The following DAB1 variants were observed in gnomAD, a reference collection of about 807,000 sequenced individuals.
DAB1 encodes DAB adaptor protein 1.
In DAB1, 15 loss-of-function variants were observed where a neutral mutation model predicts 64.6. That is an observed-to-expected ratio of 0.23 (90% CI 0.16 to 0.36). DAB1 has a LOEUF of 0.36. DAB1 is among the 10% of genes least tolerant of loss of function. The pLI, the probability that DAB1 is intolerant of heterozygous loss-of-function variation, is 1.00. For synonymous variants in DAB1, 235 were observed against 251.9 expected (o/e 0.93, Z 0.64); for missense variants, 596 against 706.7 (o/e 0.84, Z 1.78).
At chr1:57,546,098 T>TGC (rs1245256323) in intron 7 of DAB1, among the ~76,000 whole-genome samples, 8,645 of 139,426 alleles carry the variant, frequency 0.062, 324 homozygotes, top group Non-Finnish European at 0.084. Context: ...TGTGTGTGTG[T>TGC]GCGCGCACGT....
At chr1:58,051,605 T>A (rs1453719617) in intron 5 of DAB1, among the ~76,000 whole-genome samples, 1 of 152,180 alleles carries the variant, frequency 6.6e-6, no homozygotes, top group Non-Finnish European at 1.5e-5. Flanking sequence ...TAGCTCTAGA[T>A]CCTTGAGGAA....
At chr1:58,233,956 G>A (rs988216715) in intron 4 of DAB1, among the ~76,000 whole-genome samples, 25 of 152,122 alleles carry the variant, frequency 1.6e-4, no homozygotes, top group African/African-American at 4.6e-4. Context: ...AACCAGTCTC[G>A]ACTCTCACCA....
At chr1:58,291,003 T>C (rs1661816672) in intron 4 of DAB1, among the ~76,000 whole-genome samples, 1 of 152,138 alleles carries the variant, frequency 6.6e-6, no homozygotes, top group Admixed American at 6.5e-5. Context: ...GGGAATATCA[T>C]GAGAGGAGAG....
At chr1:58,173,925 A>G (rs930991575) in intron 4 of DAB1, among the ~76,000 whole-genome samples, 1 of 152,172 alleles carries the variant, frequency 6.6e-6, no homozygotes, top group Non-Finnish European at 1.5e-5. Context: ...AGGAATGGCT[A>G]CTGCTACAGG....
At chr1:57,600,570 G>C (rs188967588) in intron 7 of DAB1, among the ~76,000 whole-genome samples, 38 of 152,124 alleles carry the variant, frequency 2.5e-4, no homozygotes, top group Admixed American at 2.5e-3. Flanking sequence ...TTAGAGCCCT[G>C]GGGGGTCGGG....
chr1:58,245,887 C>T (rs1660506459), intron 4 of DAB1, among the ~76,000 whole-genome samples: 1 of 152,148 alleles, frequency 6.6e-6, no homozygotes, highest in Admixed American at 6.5e-5. Context: ...TTGGGCACAT[C>T]CTGCACATAC....
At chr1:57,525,428 A>G (rs1352559846) in intron 7 of DAB1, among the ~76,000 whole-genome samples, 16 of 98,362 alleles carry the variant, frequency 1.6e-4, no homozygotes, top group African/African-American at 5.7e-4. Context: ...GTAGACACAG[A>G]AAGTTAAGGA....
chr1:57,021,490 A>T (rs190558081), intron 11 of DAB1, among the ~76,000 whole-genome samples: 1 of 152,230 alleles, frequency 6.6e-6, no homozygotes, highest in African/African-American at 2.4e-5. Context: ...GTCTCATGAG[A>T]TCTGATGGTT....
chr1:57,972,395 C>T (rs929120027), intron 5 of DAB1, among the ~76,000 whole-genome samples: 1 of 152,244 alleles, frequency 6.6e-6, no homozygotes, highest in East Asian at 1.9e-4. Context: ...AGCCACCATA[C>T]CTGGTTAATG....
In DAB1 at chr1:58,495,286, G is replaced by A. The variant is rs143178541; in HGVS notation, n.257+10774C>T. ...GTCTGTTGTGGGGTGGGAGGAGGAGGGAGGGATAGCATTAGGAGATATACC... is the reference window on the plus strand; with the variant it reads ...GTCTGTTGTGGGGTGGGAGGAGGAGAGAGGGATAGCATTAGGAGATATACC... On this transcript the variant is annotated intron_variant and non_coding_transcript_variant, in intron 3 of 20. Coordinates refer to the DAB1 transcript ENST00000485760. Among the ~76,000 whole-genome samples the A allele has an allele frequency of 4.6e-3, 699 of 152,140 alleles. 4 individuals are homozygous for A. The highest frequency in any genetic ancestry group is 7.4e-3 in the Non-Finnish European group (502 of 67,994).
intron 3 of DAB1, among the ~76,000 whole-genome samples, chr1:58,448,462 A>C (rs755643299): frequency 6.6e-6 from 1 of 152,238 alleles, no homozygotes; most frequent in Non-Finnish European, 1.5e-5. Context: ...GAATTGGAGC[A>C]CAGATGAATC....
At chr1:57,269,560 G>T (rs977023581) in intron 2 of DAB1, among the ~76,000 whole-genome samples, 2 of 152,038 alleles carry the variant, frequency 1.3e-5, no homozygotes, top group East Asian at 3.9e-4. Context: ...TATGTCCAGG[G>T]GCGTCTCTGC....
At chr1:58,448,263 G>C (rs1296287575) in intron 3 of DAB1, among the ~76,000 whole-genome samples, 1 of 152,066 alleles carries the variant, frequency 6.6e-6, no homozygotes, top group Non-Finnish European at 1.5e-5. Flanking sequence ...TAACCCACTG[G>C]GGGCTTCAAC....
At chr1:57,365,985 A>G (rs551739815) in intron 1 of DAB1, among the ~76,000 whole-genome samples, 2 of 152,334 alleles carry the variant, frequency 1.3e-5, no homozygotes, top group African/African-American at 4.8e-5. Flanking sequence ...GTTGAGGACT[A>G]TATCTCCTGA....
chr1:58,163,002 C>A (rs535975380), intron 4 of DAB1, among the ~76,000 whole-genome samples: 1 of 152,204 alleles, frequency 6.6e-6, no homozygotes, highest in South Asian at 2.1e-4. Flanking sequence ...TGCTAAACAT[C>A]CTACAACACA....
At chr1:57,363,105 CA>C (rs1266288050) in intron 1 of DAB1, among the ~76,000 whole-genome samples, 3 of 152,190 alleles carry the variant, frequency 2.0e-5, no homozygotes, top group African/African-American at 7.2e-5. Context: ...AGAAACCCAT[CA>C]AAGCCTTGGA....
At chr1:58,415,336 G>A (rs1296923916) in intron 3 of DAB1, 3 of 221,646 alleles carry the variant, frequency 1.4e-5, no homozygotes, top group Non-Finnish European at 2.3e-5. Context: ...TTTGGTTATA[G>A]CAGCTTGTGC....
rs539489613 is a variant in DAB1, at chr1:58,290,852, T to C, written n.309+52500A>G. ...CTGCCACTGCAGAGTTAGAACCACG[T>C]GCTTGTTTTCAGTACCATGGAGAGG... is the stretch of plus-strand genomic sequence containing the variant. On this transcript the variant is annotated intron_variant and non_coding_transcript_variant, in intron 4 of 20. Transcript: ENST00000485760. 3.9e-5 allele frequency among the ~76,000 whole-genome samples: 6 copies of C among 152,296 alleles called. No individual in the cohort carries two copies. In the East Asian group the frequency reaches 1.2e-3, roughly 29 times the overall value.
chr1:57,146,745 G>A (rs976420795), intron 2 of DAB1, among the ~76,000 whole-genome samples: 4 of 152,128 alleles, frequency 2.6e-5, no homozygotes, highest in African/African-American at 7.2e-5. Flanking sequence ...GACAATATCT[G>A]TGCCCTTAGA....
Sources: allele counts gnomAD v4.1 joint callset (sites outside exome capture counted in the v4.1 genomes callset), GRCh38; gene constraint gnomAD v4.1.1; transcripts MANE v1.5; gene names NCBI Gene and HGNC (gene_info 2026-07-23, HGNC 2026-07-21).